LEMD3: variants seen among roughly 807,000 people sequenced by gnomAD.
LEMD3 encodes LEM domain containing 3, also known as inner nuclear membrane protein Man1.
LEMD3 carries 33 observed loss-of-function variants against 95.2 expected under a neutral mutation model. The ratio of observed to expected loss-of-function variants is 0.35; its 90% CI spans 0.26 to 0.46. LEMD3 has a LOEUF of 0.46. LEMD3 is among the 20% of genes least tolerant of loss of function. The pLI is 1.00. For missense variants in LEMD3, 1,210 were observed against 1,192.8 expected, an observed-to-expected ratio of 1.01 and a Z score of -0.21; for synonymous variants, 525 against 474.6, an observed-to-expected ratio of 1.11 and a Z score of -1.38.
At chr12:65,177,741 T>G (rs1592429355) in intron 1 of LEMD3, among the ~76,000 whole-genome samples, 1 of 152,306 alleles carries the variant, frequency 6.6e-6, no homozygotes, top group East Asian at 1.9e-4. Flanking sequence ...TTAAAAAATA[T>G]TTTTACTTCT....
At chr12:65,244,267 G>GCA (rs200532626) in intron 10 of LEMD3, among the ~76,000 whole-genome samples, 2 of 142,388 alleles carry the variant, frequency 1.4e-5, no homozygotes, top group Admixed American at 7.0e-5. Flanking sequence ...GTGGGCACGC[G>GCA]CACACACACA....
chr12:65,180,355 A>ATT (rs1592430839), intron 1 of LEMD3, among the ~76,000 whole-genome samples: 1 of 149,096 alleles, frequency 6.7e-6, no homozygotes, highest in East Asian at 1.9e-4. Context: ...TATATTATAT[A>ATT]TTATATATAT....
At chr12:65,179,466 A>G (rs1868834129) in intron 1 of LEMD3, among the ~76,000 whole-genome samples, 1 of 152,164 alleles carries the variant, frequency 6.6e-6, no homozygotes, top group Admixed American at 6.5e-5. Flanking sequence ...CAGTGCAAAG[A>G]TAATTATATA....
At position 65,236,161 on chromosome 12, in the gene LEMD3, T is replaced by A. The variant is rs536129463; in HGVS notation, c.1696-2341T>A. Among the ~76,000 whole-genome samples, 3 of 152,326 alleles carry A rather than the reference T, an allele frequency of 2.0e-5. No homozygotes were observed. In the East Asian group the frequency reaches 5.8e-4, roughly 29 times the overall value. ...CCAATGCTGTTGAAGAATCTGTTGA[T>A]AAAATACAATAGGACACTTCTTAGA... On this transcript the variant is annotated intron_variant, in intron 4 of 12. Coordinates refer to ENST00000308330, the MANE Select transcript of LEMD3 (RefSeq NM_014319.5).
chr12:65,226,044 A>C (rs1870439384), intron 4 of LEMD3, among the ~76,000 whole-genome samples: 1 of 152,130 alleles, frequency 6.6e-6, no homozygotes, highest in Non-Finnish European at 1.5e-5. Flanking sequence ...GGGAGAAGCC[A>C]AGAGTTGGGG....
At chr12:65,219,915 G>A (rs1265257557) in intron 4 of LEMD3, among the ~76,000 whole-genome samples, 1 of 152,088 alleles carries the variant, frequency 6.6e-6, no homozygotes, top group African/African-American at 2.4e-5. Context: ...GAATTTCATT[G>A]TATGTATACA....
intron 1 of LEMD3, among the ~76,000 whole-genome samples, chr12:65,189,160 C>T (rs189083947): frequency 5.6e-4 from 86 of 152,272 alleles, no homozygotes; most frequent in African/African-American, 1.7e-3. Flanking sequence ...AATATGGTCT[C>T]TCTCAAAATA....
At chr12:65,189,264 A>G (rs961908509) in intron 1 of LEMD3, among the ~76,000 whole-genome samples, 3 of 152,154 alleles carry the variant, frequency 2.0e-5, no homozygotes, top group Non-Finnish European at 4.4e-5. Flanking sequence ...GGGAGGAGGG[A>G]CTACTGTCAT....
At chr12:65,177,262 T>G (rs1239818528) in intron 1 of LEMD3, among the ~76,000 whole-genome samples, 4 of 152,116 alleles carry the variant, frequency 2.6e-5, no homozygotes, top group Non-Finnish European at 5.9e-5. Context: ...GTGATAGGGT[T>G]GGAGGGAAGG....
intron 3 of LEMD3, among the ~76,000 whole-genome samples, chr12:65,218,303 T>G (rs1870170911): frequency 1.3e-5 from 2 of 152,224 alleles, no homozygotes; most frequent in Non-Finnish European, 2.9e-5. Context: ...TGGACTGAAA[T>G]GCATTTAAAA....
At chr12:65,190,150 A>T (rs923216039) in intron 1 of LEMD3, among the ~76,000 whole-genome samples, 6 of 152,200 alleles carry the variant, frequency 3.9e-5, no homozygotes, top group Non-Finnish European at 8.8e-5. Context: ...GTTTCCAGTT[A>T]TAACTTGTTA....
chr12:65,186,740 T>A (rs938623207), intron 1 of LEMD3, among the ~76,000 whole-genome samples: 5 of 151,528 alleles, frequency 3.3e-5, no homozygotes, highest in African/African-American at 1.2e-4. Context: ...TCAGTAAGTG[T>A]GTAGTGATGA....
intron 4 of LEMD3, among the ~76,000 whole-genome samples, chr12:65,231,810 T>G (rs1235198037): frequency 1.3e-5 from 2 of 151,950 alleles, no homozygotes; most frequent in African/African-American, 4.8e-5. Flanking sequence ...TTATAAATAT[T>G]TTTTTCTAAA....
chr12:65,185,129 A>G (rs1011609543), intron 1 of LEMD3, among the ~76,000 whole-genome samples: 3 of 152,162 alleles, frequency 2.0e-5, no homozygotes, highest in South Asian at 4.1e-4. Context: ...GCAGTCATCT[A>G]CTTTAAACTA....
At position 65,170,741 on chromosome 12, in the gene LEMD3, C is replaced by T. The variant is rs751043353; in HGVS notation, c.1145C>T (p.Ser382Leu). 2 of 1,614,246 alleles carry T rather than the reference C, an allele frequency of 1.2e-6. No individual in the cohort carries two copies. Among genetic ancestry groups the T allele is most frequent in the South Asian group, 2.2e-5 (2 of 91,080 alleles). ...GACATGGACTCAACCTTGGATTCGTCAACAGGCTCCCTTCTGAAAACCAAT... is the reference window on the plus strand; with the variant it reads ...GACATGGACTCAACCTTGGATTCGTTAACAGGCTCCCTTCTGAAAACCAAT... The part of the protein sequence containing the change: ...LTDMDSTLDS[S>L]TGSLLKTNNH... The change falls in exon 1 of 13, where the codon TCA becomes TTA. Residue 382 changes from serine (S) to leucine (L), a missense_variant. Around this residue, in one of 2 missense-constraint regions of LEMD3, gnomAD observed 749 missense variants for 622.9 expected, o/e 1.20. Transcript: ENST00000308330.
chr12:65,199,682 A>C (rs745410763), intron 1 of LEMD3, among the ~76,000 whole-genome samples: 15 of 152,092 alleles, frequency 9.9e-5, no homozygotes, highest in Non-Finnish European at 1.9e-4. Context: ...TTCAGTTTTC[A>C]ATTTATAAAG....
chr12:65,184,846 A>G (rs1869009790), intron 1 of LEMD3, among the ~76,000 whole-genome samples: 1 of 152,132 alleles, frequency 6.6e-6, no homozygotes, highest in Admixed American at 6.6e-5. Context: ...GTTGTTGGGT[A>G]AAAACCTTAG....
chr12:65,217,110 G>T (rs1870133858), intron 3 of LEMD3, among the ~76,000 whole-genome samples: 2 of 152,124 alleles, frequency 1.3e-5, no homozygotes, highest in Admixed American at 6.5e-5. Context: ...ATAATCTGAT[G>T]TGCTTTTAAA....
intron 1 of LEMD3, among the ~76,000 whole-genome samples, chr12:65,181,305 C>T (rs1160777823): frequency 6.6e-6 from 1 of 152,128 alleles, no homozygotes; most frequent in Non-Finnish European, 1.5e-5. Context: ...TTCTCCTACT[C>T]ATTTATTCAT....
Sources: gnomAD v4.1 joint callset for allele counts (sites outside exome capture counted in the v4.1 genomes callset) on GRCh38, gnomAD v4.1.1 for gene constraint, gnomAD v4.1.1 regional missense constraint, MANE v1.5 for transcripts, NCBI Gene and HGNC (gene_info 2026-07-23, HGNC 2026-07-21) for gene names.